Variants in GPR149 observed in about 807,000 individuals in gnomAD.
GPR149 encodes G protein-coupled receptor 149.
GPR149 carries 50 observed loss-of-function variants against 50.2 expected under a neutral mutation model. That is an observed-to-expected ratio of 1.00 (90% CI 0.79 to 1.26). GPR149 has a LOEUF of 1.26. Among genes scored for constraint, GPR149 ranks in the 50% most tolerant of loss-of-function variants. The pLI is 0.00. For missense variants in GPR149, 983 were observed against 895.4 expected (o/e 1.10, Z -1.25); for synonymous variants, 405 against 358.2 (o/e 1.13, Z -1.48).
At chr3:154,392,814 A>G (rs185148607) in intron 3 of GPR149, among the ~76,000 whole-genome samples, 1 of 152,068 alleles carries the variant, frequency 6.6e-6, no homozygotes, top group East Asian at 1.9e-4. Context: ...CTATACACCA[A>G]TAAATTGGAT....
intron 3 of GPR149, among the ~76,000 whole-genome samples, chr3:154,369,069 C>A (rs979042412): frequency 6.6e-6 from 1 of 152,174 alleles, no homozygotes; most frequent in Non-Finnish European, 1.5e-5. Context: ...CAGCCATGAG[C>A]CTTGAGCACA....
intron 3 of GPR149, among the ~76,000 whole-genome samples, chr3:154,407,023 C>T (rs531448754): frequency 3.3e-5 from 5 of 152,122 alleles, no homozygotes; most frequent in African/African-American, 1.2e-4. Context: ...AAGGAGTTTC[C>T]CCTTATAAAA....
chr3:154,346,802 G>T (rs1220738311), intron 3 of GPR149, among the ~76,000 whole-genome samples: 1 of 151,926 alleles, frequency 6.6e-6, no homozygotes, highest in Non-Finnish European at 1.5e-5. Flanking sequence ...TTGTCATGTT[G>T]GCCAGGCTGG....
rs533491198 is a variant in GPR149 at position 154,349,116 on chromosome 3, G to C, written c.1624-10845C>G. 3.3e-5 allele frequency among the ~76,000 whole-genome samples: 5 copies of C among 152,134 alleles called. 1 individual carries two copies. The South Asian group carries it at 1.0e-3, about 32-fold the overall frequency. Reference sequence around the variant, plus strand: ...TTGAAATTGGTGCTAGGGAAGATCTGAGAGAGAAATTTAAAGCACTAAATG... The same window carrying C: ...TTGAAATTGGTGCTAGGGAAGATCTCAGAGAGAAATTTAAAGCACTAAATG... On this transcript the variant is annotated intron_variant, in intron 3 of 3. Coordinates refer to ENST00000389740, the MANE Select transcript of GPR149 (RefSeq NM_001038705.3).
At chr3:154,428,502 C>T in intron 1 of GPR149, 133 bp downstream of exon 1, 1 of 1,035,544 alleles carries the variant, frequency 9.7e-7, no homozygotes, top group African/African-American at 1.6e-5. Flanking sequence ...GTCTAAAACC[C>T]AGCGAGATAC....
chr3:154,374,169 C>CTTTTTTTTTTTTTTTTTT (rs3069044), intron 3 of GPR149, among the ~76,000 whole-genome samples: 40 of 103,138 alleles, frequency 3.9e-4, no homozygotes, highest in Non-Finnish European at 4.9e-4. Context: ...CTTTTCTTTT[C>CTTTTTTTTTTTTTTTTTT]TTTTTTTTTT....
chr3:154,383,899 G>A (rs1202738891), intron 3 of GPR149, among the ~76,000 whole-genome samples: 4 of 152,010 alleles, frequency 2.6e-5, no homozygotes, highest in African/African-American at 9.7e-5. Flanking sequence ...GTGAGAAGAC[G>A]GTTGTCTCTG....
chr3:154,372,538 A>G (rs1714689171), intron 3 of GPR149, among the ~76,000 whole-genome samples: 1 of 152,152 alleles, frequency 6.6e-6, no homozygotes, highest in Non-Finnish European at 1.5e-5. Context: ...AGATATACCA[A>G]TATCTCACCT....
chr3:154,353,368 A>G, intron 3 of GPR149: 1 of 1,393,626 alleles, frequency 7.2e-7, no homozygotes. Context: ...GAAAAAAGTA[A>G]AGTCTGAGGA....
At chr3:154,378,642 G>A (rs1478871378) in intron 3 of GPR149, among the ~76,000 whole-genome samples, 2 of 152,138 alleles carry the variant, frequency 1.3e-5, no homozygotes, top group Non-Finnish European at 2.9e-5. Flanking sequence ...TTCCAAACAG[G>A]TTGTGCAATA....
chr3:154,428,478 T>A (rs1399357024), intron 1 of GPR149, among the ~76,000 whole-genome samples, 157 bp downstream of exon 1: 2 of 152,130 alleles, frequency 1.3e-5, no homozygotes, highest in East Asian at 1.9e-4. Context: ...CGAACTGCCT[T>A]CTTCTAAGTG....
chr3:154,362,070 A>G (rs1420158299), intron 3 of GPR149, among the ~76,000 whole-genome samples: 1 of 152,104 alleles, frequency 6.6e-6, no homozygotes, highest in African/African-American at 2.4e-5. Context: ...CAGGTGGATC[A>G]TGAGGTCAGG....
intron 3 of GPR149, among the ~76,000 whole-genome samples, chr3:154,364,719 C>T (rs1054853044): frequency 5.6e-4 from 86 of 152,250 alleles, no homozygotes; most frequent in African/African-American, 1.9e-3. Context: ...TCCTGTCTTA[C>T]GGACTTACTG....
In GPR149 at chr3:154,337,765, G is replaced by C; in HGVS notation, c.2130C>G (p.Tyr710Ter). Reference sequence around the variant, plus strand: ...TATTTAACAACTGGATTTCCTCCTGGTAGCCATCCCTCTCTTGATGCTGCC... The same window carrying C: ...TATTTAACAACTGGATTTCCTCCTGCTAGCCATCCCTCTCTTGATGCTGCC... ...SKRQHQERDG[Y>*]QEEIQLLNKA... The change falls in exon 4 of 4, where the codon TAC becomes TAG. Residue 710 changes from tyrosine (Y) to a stop codon, truncating the protein, a stop_gained. Transcript: ENST00000389740. LOFTEE classifies it high-confidence loss of function. The C allele has an allele frequency of 6.2e-7, 1 of 1,612,390 alleles. No homozygotes were observed. The highest frequency in any genetic ancestry group is 1.1e-5 in the South Asian group (1 of 90,776).
chr3:154,400,730 T>A (rs1289661885), intron 3 of GPR149, among the ~76,000 whole-genome samples: 1 of 152,214 alleles, frequency 6.6e-6, no homozygotes, highest in Non-Finnish European at 1.5e-5. Context: ...GGTTACAGAA[T>A]TAAGTTATAC....
Position 154,428,858 on chromosome 3 carries a change from G to C in GPR149, c.758C>G (p.Pro253Arg), listed in dbSNP as rs1180051137. ...CAGACTCGGGCCTGGAGCATCCTCTGGGGACAGGGAAACCACTCTCCCCGC... is the reference window on the plus strand; with the variant it reads ...CAGACTCGGGCCTGGAGCATCCTCTCGGGACAGGGAAACCACTCTCCCCGC... ...PTAGRVVSLS[P>R]EDAPGPSLRR... The change falls in exon 1 of 4, where the codon CCA becomes CGA. Residue 253 changes from proline to arginine, a missense_variant. Coordinates refer to ENST00000389740, the MANE Select transcript of GPR149 (RefSeq NM_001038705.3). 3 of 1,613,762 alleles carry C rather than the reference G, an allele frequency of 1.9e-6. No homozygotes were observed. The Admixed American group carries it at 5.0e-5, about 27-fold the overall frequency.
chr3:154,422,936 A>G (rs1712187254), intron 2 of GPR149, among the ~76,000 whole-genome samples: 1 of 151,872 alleles, frequency 6.6e-6, no homozygotes, highest in South Asian at 2.1e-4. Context: ...AAAGTGACAA[A>G]TTGTCATTTC....
chr3:154,349,054 TA>T (rs557753019), intron 3 of GPR149, among the ~76,000 whole-genome samples: 33 of 144,220 alleles, frequency 2.3e-4, no homozygotes, highest in Non-Finnish European at 3.4e-4. Context: ...TTGAGGGAAA[TA>T]AAAAAAAAAG....
At chr3:154,371,124 A>G (rs1714655157) in intron 3 of GPR149, among the ~76,000 whole-genome samples, 1 of 152,196 alleles carries the variant, frequency 6.6e-6, no homozygotes, top group African/African-American at 2.4e-5. Flanking sequence ...TAAAGCTCTC[A>G]AAGGATTACA....
Sources: allele counts gnomAD v4.1 joint callset (sites outside exome capture counted in the v4.1 genomes callset), GRCh38; gene constraint gnomAD v4.1.1; transcripts MANE v1.5; gene names NCBI Gene and HGNC (gene_info 2026-07-23, HGNC 2026-07-21).